Variants in RARB observed in about 807,000 individuals in gnomAD.
RARB encodes retinoic acid receptor beta, also known as HBV-activated protein.
A neutral mutation model predicts 51.9 loss-of-function variants in RARB; 17 were observed. The observed-to-expected ratio is 0.33, with a 90% CI of 0.22 to 0.49. The LOEUF (loss-of-function observed/expected upper bound fraction) is 0.49. RARB is among the 20% of genes least tolerant of loss of function. RARB has a pLI of 0.99. For synonymous variants in RARB, 215 were observed against 195.4 expected (o/e 1.10, Z -0.84); for missense variants, 369 against 550.8 (o/e 0.67, Z 3.30).
chr3:25,138,572 T>G (rs956634827), intron 4 of RARB, among the ~76,000 whole-genome samples: 2 of 152,106 alleles, frequency 1.3e-5, no homozygotes, highest in Non-Finnish European at 2.9e-5. Flanking sequence ...TGAGCATGAA[T>G]GGACATTTAA....
At chr3:25,502,902 G>A (rs1302011602) in intron 3 of RARB, among the ~76,000 whole-genome samples, 1 of 152,196 alleles carries the variant, frequency 6.6e-6, no homozygotes, top group Non-Finnish European at 1.5e-5. Flanking sequence ...CCAACCCTAT[G>A]AAACCACTGC....
chr3:24,889,906 AT>A (rs1361008418), intron 2 of RARB, among the ~76,000 whole-genome samples: 1 of 149,480 alleles, frequency 6.7e-6, no homozygotes, highest in Non-Finnish European at 1.5e-5. Flanking sequence ...AAGAGCAGGC[AT>A]GAAAAAAAAA....
chr3:24,956,114 C>T (rs2125408485), intron 2 of RARB, among the ~76,000 whole-genome samples: 1 of 152,178 alleles, frequency 6.6e-6, no homozygotes, highest in Non-Finnish European at 1.5e-5. Flanking sequence ...AACCTTGGTT[C>T]TGAGGCTCAT....
At chr3:24,978,364 G>C (rs550270872) in intron 2 of RARB, among the ~76,000 whole-genome samples, 1 of 152,138 alleles carries the variant, frequency 6.6e-6, no homozygotes, top group Non-Finnish European at 1.5e-5. Flanking sequence ...GTAGAATTTG[G>C]CTGTGAATCT....
At chr3:25,264,889 C>T (rs1290662262) in intron 5 of RARB, among the ~76,000 whole-genome samples, 2 of 152,132 alleles carry the variant, frequency 1.3e-5, no homozygotes, top group African/African-American at 4.8e-5. Context: ...GTGCTATACA[C>T]TGAATGTATA....
chr3:24,956,873 G>A (rs1696027838), intron 2 of RARB, among the ~76,000 whole-genome samples: 1 of 152,188 alleles, frequency 6.6e-6, no homozygotes, highest in Non-Finnish European at 1.5e-5. Context: ...TGCCTGTAAG[G>A]GAACGAGGAA....
intron 5 of RARB, among the ~76,000 whole-genome samples, chr3:25,387,665 A>C (rs2125484596): frequency 6.6e-6 from 1 of 151,360 alleles, no homozygotes; most frequent in East Asian, 1.9e-4. Flanking sequence ...TGTGAGTGTA[A>C]AGTGGCTCAC....
intron 2 of RARB, among the ~76,000 whole-genome samples, chr3:24,950,582 T>C (rs1413114216): frequency 6.6e-6 from 1 of 152,176 alleles, no homozygotes; most frequent in African/African-American, 2.4e-5. Context: ...TCTGATATTT[T>C]AGAGGTGAAC....
intron 2 of RARB, among the ~76,000 whole-genome samples, chr3:25,462,127 G>C (rs1373590556): frequency 3.3e-5 from 5 of 152,138 alleles, no homozygotes; most frequent in African/African-American, 1.2e-4. Flanking sequence ...CAGCCTGTAG[G>C]GACTTGCTAC....
chr3:24,886,464 A>G (rs1216744696), intron 2 of RARB, among the ~76,000 whole-genome samples: 2 of 125,000 alleles, frequency 1.6e-5, no homozygotes, highest in Non-Finnish European at 3.4e-5. Context: ...TTTTTTTTTG[A>G]GACAGGATCT....
intron 5 of RARB, among the ~76,000 whole-genome samples, chr3:25,403,898 A>AAAAAAAAAAAAAAG (rs1707333772): frequency 6.6e-6 from 1 of 151,044 alleles, no homozygotes; most frequent in African/African-American, 2.4e-5. Flanking sequence ...AAAAAAAAAA[A>AAAAAAAAAAAAAAG]AAAAAAAAAA....
chr3:25,462,658 T>C (rs1695241376), intron 2 of RARB: 1 of 152,256 alleles, frequency 6.6e-6, no homozygotes. Context: ...ATTCTGTGGG[T>C]CAGCAGTTTC....
chr3:24,971,440 A>C (rs898850344), intron 2 of RARB, among the ~76,000 whole-genome samples: 1 of 152,064 alleles, frequency 6.6e-6, no homozygotes, highest in African/African-American at 2.4e-5. Flanking sequence ...ACTTTAGTAA[A>C]AGATTTAGGA....
intron 2 of RARB, among the ~76,000 whole-genome samples, chr3:24,913,012 G>A (rs887164654): frequency 2.7e-4 from 18 of 67,268 alleles, no homozygotes; most frequent in African/African-American, 6.2e-4. Flanking sequence ...ACAGAGTCTC[G>A]CTCTGTCGCT....
chr3:25,435,732 G>C (rs1371083142), intron 1 of RARB, among the ~76,000 whole-genome samples: 1 of 152,186 alleles, frequency 6.6e-6, no homozygotes, highest in South Asian at 2.1e-4. Flanking sequence ...ATTTTAATTA[G>C]TCCTTTTTAT....
chr3:25,450,363 T>G (rs1056833915), intron 1 of RARB, among the ~76,000 whole-genome samples: 2 of 152,222 alleles, frequency 1.3e-5, no homozygotes, highest in Admixed American at 6.5e-5. Flanking sequence ...GTTTACAAAG[T>G]GTAAATCCTG....
chr3:25,428,094 G>C (rs1437361389), upstream of RARB, among the ~76,000 whole-genome samples: 1 of 152,196 alleles, frequency 6.6e-6, no homozygotes, highest in African/African-American at 2.4e-5. Context: ...CTCGCTGCCT[G>C]CCTCTCTGGC....
chr3:24,958,310 G>C (rs4564926), intron 2 of RARB, among the ~76,000 whole-genome samples: 5 of 130,722 alleles, frequency 3.8e-5, no homozygotes, highest in African/African-American at 1.4e-4. Context: ...GAGCCCTCAG[G>C]GAACTTTAGA....
intron 5 of RARB, among the ~76,000 whole-genome samples, chr3:25,181,173 G>A (rs1223504044): frequency 1.3e-5 from 2 of 152,062 alleles, no homozygotes; most frequent in Non-Finnish European, 2.9e-5. Flanking sequence ...CATTCCTACT[G>A]AGAAGTCATA....
Sources: gnomAD v4.1 joint callset for allele counts (sites outside exome capture counted in the v4.1 genomes callset) on GRCh38, gnomAD v4.1.1 for gene constraint, MANE v1.5 for transcripts, NCBI Gene and HGNC (gene_info 2026-07-23, HGNC 2026-07-21) for gene names.